Variants in SCN7A observed in about 807,000 individuals in gnomAD.
The protein encoded by SCN7A is sodium voltage-gated channel alpha subunit 7, also known as sodium channel protein type 7 subunit alpha.
A neutral mutation model predicts 155.2 loss-of-function variants in SCN7A; 138 were observed. That is an observed-to-expected ratio of 0.89 (90% CI 0.77 to 1.02). The LOEUF is 1.02. Among genes scored for constraint, SCN7A ranks in the 50% least tolerant of loss-of-function variants. The pLI is 0.00. For synonymous variants in SCN7A, 693 were observed against 649.0 expected (o/e 1.07, Z -1.03); for missense variants, 2,058 against 1,986.6 (o/e 1.04, Z -0.68).
At position 166,416,707 on chromosome 2, in the gene SCN7A, T is replaced by C; in HGVS notation, c.3414A>G (p.Val1138=). 1 of 1,599,864 alleles carries C rather than the reference T, an allele frequency of 6.3e-7. No individual in the cohort carries two copies. Among genetic ancestry groups the C allele is most frequent in the Non-Finnish European group, 8.5e-7 (1 of 1,172,528 alleles). ...VGNGFLSLLQ[V]ATFNGWITIM... ...AAGGAAAAGTCAAAAGTGTACTTAC[T>C]ACTTGAAGCAGAGAAAGGAAACCAT... The change falls in exon 21 of 26, where the codon GTA becomes GTG. Residue 1138 remains valine (V), a splice_region_variant and synonymous_variant. Coordinates refer to ENST00000643258, the MANE Select transcript of SCN7A (RefSeq NM_002976.4).
rs1273240907 is a variant in SCN7A, at chr2:166,477,518, C to A, written c.179G>T (p.Gly60Val). ...LPFIYGNLSQ[G>V]MVSEPLEDVD... ...ATCTTCCAAGGGCTCTGACACCATT[C>A]CTTGAGAAAGGTTTCCATAAATAAA... Residue 60 changes from glycine (G) to valine (V), a missense_variant, in exon 3 of 26, where the codon GGA becomes GTA. By Grantham distance (109) the Gly-to-Val change is moderately radical (BLOSUM62 -3). Transcript: ENST00000643258. 6.4e-7 allele frequency: 1 copy of A among 1,557,222 alleles called. No homozygotes were observed. Among genetic ancestry groups the A allele is most frequent in the South Asian group, 1.2e-5 (1 of 84,676 alleles).
chr2:166,449,350 G>C (rs548777935), intron 11 of SCN7A, among the ~76,000 whole-genome samples: 1 of 151,964 alleles, frequency 6.6e-6, no homozygotes, highest in African/African-American at 2.4e-5. Context: ...CTGACATAGG[G>C]GCTGCCACTG....
At position 166,441,734 on chromosome 2, in the gene SCN7A, C is replaced by A; in HGVS notation, c.1819G>T (p.Gly607Ter). ...ATCTGGAATGTTGGCCAATACTTTCCCAACTTGAAAATTCTTAACTAATAG... is the reference window on the plus strand; with the variant it reads ...ATCTGGAATGTTGGCCAATACTTTCACAACTTGAAAATTCTTAACTAATAG... Reference protein sequence around the residue: ...LFRMLRIFKLGKYWPTFQILM... With the variant: ...LFRMLRIFKL The change falls in exon 15 of 26, where the codon GGA (glycine) becomes TGA (stop). Residue 607 changes from glycine to a stop codon, truncating the protein, a stop_gained. Transcript: ENST00000643258. LOFTEE classifies it high-confidence loss of function. 6.3e-7 allele frequency: 1 copy of A among 1,599,946 alleles called. No individual in the cohort carries two copies.
intron 2 of SCN7A, among the ~76,000 whole-genome samples, chr2:166,484,154 T>A (rs1327074993): frequency 1.3e-5 from 2 of 151,986 alleles, no homozygotes; most frequent in African/African-American, 4.8e-5. Flanking sequence ...GTGAAGGCTA[T>A]AAAATCTGGC....
intron 12 of SCN7A, among the ~76,000 whole-genome samples, chr2:166,445,437 T>G (rs770407358): frequency 1.3e-5 from 2 of 152,266 alleles, no homozygotes; most frequent in Admixed American, 1.3e-4. Flanking sequence ...AACGAACTAA[T>G]AGACAATTTT....
Position 166,456,865 on chromosome 2 carries a change from G to T in SCN7A, c.1290+5C>A. 1.4e-6 allele frequency: 2 copies of T among 1,449,068 alleles called. No individual in the cohort carries two copies. Among genetic ancestry groups the T allele is most frequent in the South Asian group, 1.2e-5 (1 of 81,682 alleles). The allele number at this position is 1,449,068 out of a possible 1,614,324, so 89.8% of individuals were successfully genotyped here. A position where few individuals can be genotyped will look rare whatever the true frequency, so the allele number is the denominator to read the frequency against. The stretch of plus-strand genomic sequence containing the variant: ...ATAGATAGATAGATAGATAGATATA[G>T]ATACCTCATCTGTTTCATTTCCTTC... On this transcript the variant is annotated splice_donor_5th_base_variant and intron_variant, in intron 11 of 25. Coordinates refer to ENST00000643258, the MANE Select transcript of SCN7A (RefSeq NM_002976.4).
intron 9 of SCN7A, among the ~76,000 whole-genome samples, chr2:166,463,824 G>A (rs1357458411): frequency 9.9e-5 from 15 of 152,190 alleles, no homozygotes; most frequent in South Asian, 2.1e-4. Flanking sequence ...GGGAGGCCAC[G>A]GTGGGTGGAT....
In SCN7A at chr2:166,427,948, A is replaced by G. The variant is rs528450543; in HGVS notation, c.2699-6T>C. On this transcript the variant is annotated splice_polypyrimidine_tract_variant and splice_region_variant and intron_variant, in intron 17 of 25. Transcript: ENST00000643258. ...TGAAGATCCGCGTCTGCAACCTGTC[A>G]AGATTGAATTGGTAAGAACAACAAT... The G allele has an allele frequency of 1.4e-5, 23 of 1,612,218 alleles. No homozygotes were observed. Among genetic ancestry groups the G allele is most frequent in the Non-Finnish European group, 1.8e-5 (21 of 1,178,940 alleles).
chr2:166,464,823 C>T (rs1184471616), intron 9 of SCN7A, among the ~76,000 whole-genome samples: 1 of 152,188 alleles, frequency 6.6e-6, no homozygotes, highest in South Asian at 2.1e-4. Flanking sequence ...AGCTCTGGAG[C>T]ACTCTTGAAA....
At position 166,429,165 on chromosome 2, in the gene SCN7A, T is replaced by C. The variant is rs750841322; in HGVS notation, c.2698+4A>G. 6.6e-7 allele frequency: 1 copy of C among 1,507,584 alleles called. No homozygotes were observed. Among genetic ancestry groups the C allele is most frequent in the Admixed American group, 2.4e-5 (1 of 41,578 alleles). 93.4% of individuals were successfully genotyped at this position (1,507,584 alleles called of 1,614,324 possible). On this transcript the variant is annotated splice_donor_region_variant and intron_variant, in intron 17 of 25. Coordinates refer to ENST00000643258, the MANE Select transcript of SCN7A (RefSeq NM_002976.4). Reference sequence around the variant, plus strand: ...TCCTAGCAAGATTAACAAAATTTTCTTACCATTTTTCAGATGCTTTGATCT... The same window carrying C: ...TCCTAGCAAGATTAACAAAATTTTCCTACCATTTTTCAGATGCTTTGATCT...
intron 13 of SCN7A, among the ~76,000 whole-genome samples, chr2:166,444,419 C>T (rs1243437422): frequency 1.3e-5 from 2 of 151,964 alleles, no homozygotes; most frequent in Non-Finnish European, 2.9e-5. Flanking sequence ...TCACTTCTGC[C>T]CTACTCTGAT....
chr2:166,431,232 T>C (rs1186169170), intron 16 of SCN7A, among the ~76,000 whole-genome samples: 2 of 151,948 alleles, frequency 1.3e-5, no homozygotes, highest in Non-Finnish European at 2.9e-5. Flanking sequence ...ATAGCAATGG[T>C]ATTAATTTAA....
rs1701078043 is a variant in SCN7A, at chr2:166,406,495, T to C, written c.4134A>G (p.Pro1378=). The change falls in exon 26 of 26, where the codon CCA becomes CCG. Residue 1378 remains proline (P), a synonymous_variant. Transcript: ENST00000643258. ...TGAGAAGAATGATGTTCAATAATGCTGGGAGGGACAGCATCAAAGGAAGCA... is the reference window on the plus strand; with the variant it reads ...TGAGAAGAATGATGTTCAATAATGCCGGGAGGGACAGCATCAAAGGAAGCA... ...NLMLPLMLSL[P]ALLNIILLIF... 1.2e-6 allele frequency: 2 copies of C among 1,612,904 alleles called. No individual in the cohort carries two copies. Among genetic ancestry groups the C allele is most frequent in the Non-Finnish European group, 1.7e-6 (2 of 1,179,318 alleles).
At chr2:166,434,605 T>C (rs1575023058) in intron 15 of SCN7A, among the ~76,000 whole-genome samples, 4 of 152,214 alleles carry the variant, frequency 2.6e-5, no homozygotes, top group Admixed American at 2.6e-4. Context: ...GGTTTACTTA[T>C]AGATAATCTA....
chr2:166,457,162 T>G (rs1386355146), intron 10 of SCN7A, 86 bp from the exon 11 acceptor site: 5 of 923,546 alleles, frequency 5.4e-6, no homozygotes, highest in Non-Finnish European at 8.0e-6. Flanking sequence ...AGGCAAAATT[T>G]TATTAGGAAA....
rs771981214 is a variant in SCN7A, at chr2:166,416,950, G to C, written c.3171C>G (p.Pro1057=). The C allele has an allele frequency of 6.2e-7, 1 of 1,607,478 alleles. No individual in the cohort carries two copies. Among genetic ancestry groups the C allele is most frequent in the South Asian group, 1.1e-5 (1 of 89,840 alleles). The change falls in exon 21 of 26, where the codon CCC becomes CCG. Residue 1057 remains proline (P), a synonymous_variant. Transcript: ENST00000643258. The stretch of plus-strand genomic sequence containing the variant: ...GGCAGACAAGAAACACATTCAAAGT[G>C]GGTAAGGTTGTTTTGATCAAAGCTC... ...VVRALIKTTL[P]TLNVFLVCLM...
intron 11 of SCN7A, among the ~76,000 whole-genome samples, chr2:166,449,085 G>C (rs1052323760): frequency 6.6e-6 from 1 of 152,032 alleles, no homozygotes. Context: ...TTTTACATTG[G>C]TAAGACAGTT....
intron 11 of SCN7A, among the ~76,000 whole-genome samples, chr2:166,452,323 T>C (rs1405576632): frequency 6.6e-6 from 1 of 152,012 alleles, no homozygotes; most frequent in Non-Finnish European, 1.5e-5. Context: ...ATCAAGATGC[T>C]TATTAGACTT....
At position 166,444,990 on chromosome 2, in the gene SCN7A, T is replaced by C. The variant is rs201383035; in HGVS notation, c.1398A>G (p.Lys466=). The C allele has an allele frequency of 1.6e-3, 2,616 of 1,600,238 alleles. 5 individuals are homozygous for C. The highest frequency in any genetic ancestry group is 4.0e-3 in the Middle Eastern group (24 of 5,958). The change falls in exon 13 of 26, where the codon AAA becomes AAG. Residue 466 remains lysine, a synonymous_variant. Transcript: ENST00000643258. Reference sequence around the variant, plus strand: ...AGTATAATGGGCATATCTTCTTGGATTTTTCAAGTTCTGAAATGAAAGAAT... The same window carrying C: ...AGTATAATGGGCATATCTTCTTGGACTTTTCAAGTTCTGAAATGAAAGAAT... ...ATLRHKEELE[K]SKKICPLYWY... is the part of the protein sequence containing the mutation.
Sources: allele counts gnomAD v4.1 joint callset (sites outside exome capture counted in the v4.1 genomes callset), GRCh38; gene constraint gnomAD v4.1.1; transcripts MANE v1.5; gene names NCBI Gene and HGNC (gene_info 2026-07-23, HGNC 2026-07-21).